Variants in ERBB4 observed in about 807,000 individuals in gnomAD.
ERBB4 encodes the protein erb-b2 receptor tyrosine kinase 4.
Under a neutral mutation model 158.0 loss-of-function variants are expected in ERBB4, and 42 were observed. That is an observed-to-expected ratio of 0.27 (90% CI 0.21 to 0.34). The LOEUF is 0.34. ERBB4 is among the 10% of genes least tolerant of loss of function. ERBB4 has a pLI of 1.00. For missense variants in ERBB4, 1,333 were observed against 1,624.1 expected, an observed-to-expected ratio of 0.82 and a Z score of 3.08; for synonymous variants, 583 against 558.7, an observed-to-expected ratio of 1.04 and a Z score of -0.61.
At chr2:211,741,439 A>G (rs940798446) in intron 5 of ERBB4, among the ~76,000 whole-genome samples, 1 of 132,038 alleles carries the variant, frequency 7.6e-6, no homozygotes, top group African/African-American at 3.0e-5. Flanking sequence ...ATCTATAACT[A>G]TATATGTAGT....
chr2:211,717,343 T>C (rs936025581), intron 7 of ERBB4, among the ~76,000 whole-genome samples: 6 of 152,206 alleles, frequency 3.9e-5, no homozygotes, highest in African/African-American at 1.2e-4. Flanking sequence ...GGTGTGAATA[T>C]TGAAATATTT....
chr2:211,628,783 C>A (rs1013166953), intron 17 of ERBB4, among the ~76,000 whole-genome samples: 1 of 152,188 alleles, frequency 6.6e-6, no homozygotes, highest in East Asian at 1.9e-4. Flanking sequence ...TACAGTCCCA[C>A]CAACAGTGTA....
chr2:211,834,646 A>C (rs1056760882), intron 3 of ERBB4, among the ~76,000 whole-genome samples: 38 of 152,140 alleles, frequency 2.5e-4, no homozygotes, highest in African/African-American at 8.9e-4. Flanking sequence ...GACTCAATAA[A>C]TATCGAATTT....
chr2:212,007,323 T>C (rs74733288), intron 2 of ERBB4, among the ~76,000 whole-genome samples: 6,910 of 151,884 alleles, frequency 0.045, 524 homozygotes, highest in African/African-American at 0.16. Context: ...CTTAAAATTA[T>C]CAAAAATATC....
At chr2:211,493,604 T>C (rs889438759) in intron 20 of ERBB4, among the ~76,000 whole-genome samples, 5 of 152,022 alleles carry the variant, frequency 3.3e-5, no homozygotes, top group Admixed American at 2.0e-4. Context: ...TGCATAGCAG[T>C]TTATGGTTAC....
intron 1 of ERBB4, among the ~76,000 whole-genome samples, chr2:212,205,784 A>G (rs1021478183): frequency 6.6e-5 from 10 of 152,158 alleles, no homozygotes; most frequent in Non-Finnish European, 1.2e-4. Flanking sequence ...AATTTTTAAA[A>G]TTTACTCACT....
intron 1 of ERBB4, among the ~76,000 whole-genome samples, chr2:212,223,875 G>T (rs1261744699): frequency 6.6e-6 from 1 of 151,678 alleles, no homozygotes; most frequent in Non-Finnish European, 1.5e-5. Flanking sequence ...TCAAAGCCTG[G>T]AAAATGAATC....
intron 19 of ERBB4, among the ~76,000 whole-genome samples, chr2:211,593,058 C>A (rs1474404347): frequency 6.6e-6 from 1 of 150,634 alleles, no homozygotes; most frequent in South Asian, 2.1e-4. Context: ...GGGGCTTGCT[C>A]CATCTTGGCT....
At chr2:211,522,078 T>A (rs994371628) in intron 20 of ERBB4, among the ~76,000 whole-genome samples, 7 of 152,180 alleles carry the variant, frequency 4.6e-5, no homozygotes, top group African/African-American at 1.7e-4. Flanking sequence ...TCAAGTCTTA[T>A]TATTTAAGAA....
chr2:211,821,996 A>C (rs2105944548), intron 3 of ERBB4, among the ~76,000 whole-genome samples: 1 of 152,112 alleles, frequency 6.6e-6, no homozygotes, highest in Non-Finnish European at 1.5e-5. Context: ...ACATAAAAAT[A>C]AACAAATGGG....
intron 1 of ERBB4, among the ~76,000 whole-genome samples, chr2:212,310,862 T>TA (rs57189717): frequency 0.18 from 25,962 of 147,990 alleles, 2,365 homozygotes; most frequent in South Asian, 0.27. Context: ...TTTAAAAAGT[T>TA]AAAAAAAAAA....
intron 1 of ERBB4, among the ~76,000 whole-genome samples, chr2:212,128,096 A>G (rs554477613): frequency 6.6e-6 from 1 of 152,242 alleles, no homozygotes; most frequent in South Asian, 2.1e-4. Context: ...CTACACTTCC[A>G]TTGCTTCCTC....
At chr2:211,502,162 G>T in intron 20 of ERBB4, among the ~76,000 whole-genome samples, 1 of 152,078 alleles carries the variant, frequency 6.6e-6, no homozygotes, top group East Asian at 1.9e-4. Flanking sequence ...CTTCATAAAG[G>T]CCTTTGGCAC....
chr2:212,493,267 T>A (rs1489246924), intron 1 of ERBB4, among the ~76,000 whole-genome samples: 1 of 151,504 alleles, frequency 6.6e-6, no homozygotes, highest in Non-Finnish European at 1.5e-5. Flanking sequence ...TACTTTATTT[T>A]CCATAGTAAC....
chr2:211,540,600 G>A (rs1266823890), intron 20 of ERBB4, among the ~76,000 whole-genome samples: 1 of 151,686 alleles, frequency 6.6e-6, no homozygotes, highest in Non-Finnish European at 1.5e-5. Context: ...GTTTCACTCT[G>A]TCATCCAGGC....
At chr2:212,511,442 C>T (rs1469101966) in intron 1 of ERBB4, among the ~76,000 whole-genome samples, 1 of 150,342 alleles carries the variant, frequency 6.7e-6, no homozygotes, top group East Asian at 2.1e-4. Flanking sequence ...TCTCTTGAAA[C>T]TATTACAAAA....
chr2:211,508,281 C>T (rs1414651147), intron 20 of ERBB4, among the ~76,000 whole-genome samples: 2 of 151,172 alleles, frequency 1.3e-5, no homozygotes, highest in Non-Finnish European at 3.0e-5. Flanking sequence ...CTTAAATTTA[C>T]GAGAAAAAAA....
At chr2:211,985,494 A>G (rs562299193) in intron 2 of ERBB4, among the ~76,000 whole-genome samples, 40 of 152,270 alleles carry the variant, frequency 2.6e-4, no homozygotes, top group African/African-American at 9.1e-4. Flanking sequence ...CATTGACCAA[A>G]TTGACCATCA....
At position 211,384,046 on chromosome 2, in the gene ERBB4, C is replaced by T. The variant is rs1429045358; in HGVS notation, c.3496G>A (p.Val1166Met). The stretch of plus-strand genomic sequence containing the variant: ...CGAGAAACAAAAGGGTTCTCCTCCA[C>T]TGGATTCAGGTATTCTAAAGGAATA... ...DKPKQEYLNP[V>M]EENPFVSRRK... Residue 1166 changes from valine (V) to methionine (M), a missense_variant, in exon 28 of 28, where the codon GTG becomes ATG. Val to Met is a conservative substitution (Grantham distance 21). Coordinates refer to ENST00000342788, the MANE Select transcript of ERBB4 (RefSeq NM_005235.3). The T allele has an allele frequency of 6.2e-7, 1 of 1,612,740 alleles. No homozygotes were observed. The highest frequency in any genetic ancestry group is 8.5e-7 in the Non-Finnish European group (1 of 1,179,020).
Sources: allele counts gnomAD v4.1 joint callset (sites outside exome capture counted in the v4.1 genomes callset), GRCh38; gene constraint gnomAD v4.1.1; transcripts MANE v1.5; gene names NCBI Gene and HGNC (gene_info 2026-07-23, HGNC 2026-07-21).